The following EFHC2 variants were observed in gnomAD, a reference collection of about 807,000 sequenced individuals.
The protein encoded by EFHC2 is EF-hand domain-containing family member C2.
EFHC2 carries 18 observed loss-of-function variants against 52.7 expected under a neutral mutation model. The ratio of observed to expected loss-of-function variants is 0.34; its 90% CI spans 0.24 to 0.51. The LOEUF (loss-of-function observed/expected upper bound fraction) is 0.51, where lower values mean the gene tolerates loss of function less well. Ranked by LOEUF, EFHC2 falls within the 20% of genes least tolerant of loss-of-function variation. The pLI is 0.97. For missense variants in EFHC2, 513 were observed against 562.5 expected, an observed-to-expected ratio of 0.91 and a Z score of 0.89; for synonymous variants, 203 against 204.1, an observed-to-expected ratio of 0.99 and a Z score of 0.04.
At chrX:44,157,736 AC>A (rs1348786049) in intron 14 of EFHC2, among the ~76,000 whole-genome samples, 2 of 66,673 alleles carry the variant, frequency 3.0e-5, no homozygotes, top group East Asian at 8.7e-4. Context: ...TGAGTGCTCC[AC>A]CCCCCTCCCC....
Position 44,312,493 on chromosome X carries a change from T to C in EFHC2, c.231+75A>G, listed in dbSNP as rs762950842. On this transcript the variant is annotated intron_variant, in intron 2 of 14. Coordinates refer to ENST00000420999, the MANE Select transcript of EFHC2 (RefSeq NM_025184.4). ...CCTTAACATTTACACTGAAGACTCC[T>C]ACTTTCTCAAAACTAAATTATTTAG... is the stretch of plus-strand genomic sequence containing the variant. 146 of 869,473 alleles carry C rather than the reference T, an allele frequency of 1.7e-4. No homozygotes were observed. The East Asian group carries it at 5.1e-3, about 30-fold the overall frequency. The allele number at this position is 869,473 out of a possible 1,213,427, so 71.7% of individuals were successfully genotyped here.
intron 1 of EFHC2, among the ~76,000 whole-genome samples, chrX:44,338,515 A>T (rs745845620): frequency 5.5e-5 from 6 of 109,967 alleles, no homozygotes; most frequent in African/African-American, 2.0e-4. Flanking sequence ...CTATCGCAAA[A>T]AAAAAAAGAT....
At chrX:44,279,537 G>C (rs1286645719) in intron 2 of EFHC2, among the ~76,000 whole-genome samples, 2 of 111,184 alleles carry the variant, frequency 1.8e-5, no homozygotes, top group East Asian at 5.6e-4. Flanking sequence ...AATGAGAAAT[G>C]ATACAGTGCA....
intron 2 of EFHC2, among the ~76,000 whole-genome samples, chrX:44,308,732 C>T (rs186915327): frequency 4.5e-5 from 5 of 112,197 alleles, no homozygotes; most frequent in Admixed American, 9.5e-5. Flanking sequence ...AGTTGGTTAA[C>T]GAGTATTTTA....
chrX:44,150,590 G>C (rs1034457847), intron 14 of EFHC2, among the ~76,000 whole-genome samples: 5 of 111,816 alleles, frequency 4.5e-5, no homozygotes, highest in African/African-American at 1.6e-4. Context: ...TGGATGTACA[G>C]AGAATGACAT....
intron 2 of EFHC2, among the ~76,000 whole-genome samples, chrX:44,282,998 C>T (rs1025583219): frequency 3.6e-5 from 4 of 110,145 alleles, no homozygotes; most frequent in Admixed American, 9.6e-5. Flanking sequence ...GGCTTCCCGA[C>T]TCGGCTTCTA....
At chrX:44,164,130 C>T (rs1183429023) in intron 13 of EFHC2, 103 bp from the exon 14 acceptor site, 8 of 426,020 alleles carry the variant, frequency 1.9e-5, no homozygotes, top group Non-Finnish European at 3.0e-5. Context: ...ATATATGCTT[C>T]AATATCTGAT....
intron 11 of EFHC2, among the ~76,000 whole-genome samples, chrX:44,222,746 C>T (rs751931066): frequency 9.0e-6 from 1 of 111,647 alleles, no homozygotes; most frequent in South Asian, 3.8e-4. Context: ...TATTCAATTT[C>T]CCCCCAGCTT....
chrX:44,242,392 T>C, intron 7 of EFHC2, 103 bp from the exon 8 acceptor site: 1 of 910,695 alleles, frequency 1.1e-6, no homozygotes, highest in Non-Finnish European at 1.5e-6. Context: ...TGGAGATCTT[T>C]GTAGACTATT....
chrX:44,229,361 T>C (rs2037257484), intron 11 of EFHC2, among the ~76,000 whole-genome samples: 1 of 111,870 alleles, frequency 8.9e-6, no homozygotes, highest in Non-Finnish European at 1.9e-5. Flanking sequence ...GATGCATCAT[T>C]CCTGGCATTC....
intron 11 of EFHC2, among the ~76,000 whole-genome samples, chrX:44,206,667 A>G (rs1027119182): frequency 8.9e-6 from 1 of 112,091 alleles, no homozygotes; most frequent in African/African-American, 3.2e-5. Context: ...AGATACCCCT[A>G]CAAGTAGAAC....
chrX:44,303,237 A>G (rs897639200), intron 2 of EFHC2, among the ~76,000 whole-genome samples: 1 of 111,306 alleles, frequency 9.0e-6, no homozygotes. Context: ...CCACTCTGTG[A>G]CCGTGACGGA....
chrX:44,246,398 TA>T (rs2037401330), intron 7 of EFHC2, among the ~76,000 whole-genome samples: 1 of 112,541 alleles, frequency 8.9e-6, no homozygotes, highest in African/African-American at 3.2e-5. Context: ...TAACATATGT[TA>T]TGAGAAATAT....
At chrX:44,174,216 G>A (rs900243301) in intron 13 of EFHC2, among the ~76,000 whole-genome samples, 4 of 111,602 alleles carry the variant, frequency 3.6e-5, no homozygotes, top group South Asian at 3.8e-4. Context: ...GTACTGTTAC[G>A]TCATTCGAGA....
At chrX:44,195,135 C>G (rs756874793) in intron 11 of EFHC2, among the ~76,000 whole-genome samples, 1 of 112,253 alleles carries the variant, frequency 8.9e-6, no homozygotes, top group Non-Finnish European at 1.9e-5. Flanking sequence ...TTTTCCTGCT[C>G]TTTGACAATG....
intron 1 of EFHC2, among the ~76,000 whole-genome samples, chrX:44,332,165 C>G (rs1031333355): frequency 9.0e-6 from 1 of 111,150 alleles, no homozygotes. Context: ...CAACAAATGA[C>G]TAAACTCTAA....
At chrX:44,270,835 T>G (rs771421449) in intron 3 of EFHC2, among the ~76,000 whole-genome samples, 2 of 110,585 alleles carry the variant, frequency 1.8e-5, no homozygotes, top group Non-Finnish European at 3.8e-5. Flanking sequence ...TCCCTGCATC[T>G]CCCCAACAGA....
chrX:44,269,305 C>A (rs1019143457), intron 3 of EFHC2, among the ~76,000 whole-genome samples: 1 of 111,082 alleles, frequency 9.0e-6, no homozygotes, highest in African/African-American at 3.3e-5. Flanking sequence ...CAGATTCAAA[C>A]CCCAATCCTG....
intron 7 of EFHC2, among the ~76,000 whole-genome samples, chrX:44,243,551 A>AG (rs1220144538): frequency 8.9e-6 from 1 of 111,991 alleles, no homozygotes; most frequent in Non-Finnish European, 1.9e-5. Flanking sequence ...CAAAAGGCTA[A>AG]GGGCTTGAGG....
Sources: allele counts gnomAD v4.1 joint callset (sites outside exome capture counted in the v4.1 genomes callset), GRCh38; gene constraint gnomAD v4.1.1; transcripts MANE v1.5; gene names NCBI Gene and HGNC (gene_info 2026-07-23, HGNC 2026-07-21).